EYS: variants seen among roughly 807,000 people sequenced by gnomAD.
EYS encodes protein eyes shut homolog.
Under a neutral mutation model 282.1 loss-of-function variants are expected in EYS, and 250 were observed. The observed-to-expected ratio is 0.89, with a 90% CI of 0.80 to 0.98. EYS has a LOEUF of 0.98. Among genes scored for constraint, EYS ranks in the 50% least tolerant of loss-of-function variants. EYS has a pLI of 0.00. For synonymous variants in EYS, 1,355 were observed against 1,282.9 expected (o/e 1.06, Z -1.20); for missense variants, 4,016 against 3,709.0 (o/e 1.08, Z -2.15).
At chr6:65,424,892 A>C (rs1767601692) in intron 5 of EYS, among the ~76,000 whole-genome samples, 1 of 151,954 alleles carries the variant, frequency 6.6e-6, no homozygotes, top group Admixed American at 6.6e-5. Flanking sequence ...ATTACTCTAT[A>C]TTTTCTGCCC....
intron 36 of EYS, among the ~76,000 whole-genome samples, chr6:63,822,894 T>C (rs1214390531): frequency 6.6e-6 from 1 of 152,224 alleles, no homozygotes; most frequent in Non-Finnish European, 1.5e-5. Flanking sequence ...CTAGGCTTTA[T>C]TAAATTTTAG....
At position 64,656,695 on chromosome 6, in the gene EYS, C is replaced by T. The variant is rs142289139; in HGVS notation, c.3444-30450G>A. ...GACTAAGAAAGCTAAGGTGTGTATA[C>T]CCAAACTTCCATCAGTAATTGTTGG... On this transcript the variant is annotated intron_variant, in intron 22 of 42. Coordinates refer to ENST00000503581, the MANE Select transcript of EYS (RefSeq NM_001142800.2). Among the ~76,000 whole-genome samples the T allele has an allele frequency of 4.8e-3, 728 of 152,258 alleles. 5 individuals are homozygous for T. Among genetic ancestry groups the T allele is most frequent in the African/African-American group, 0.016 (678 of 41,548 alleles).
chr6:64,470,800 AC>A lies in EYS; in HGVS notation c.5645-31449del, dbSNP rs1227168547. On this transcript the variant is annotated intron_variant, in intron 26 of 42. Transcript: ENST00000503581. ...GACAAAAACAAAGAAAAAAAGGAATACATAAGAATAAAAAAAGCCAACAGGA... is the reference window on the plus strand; with the variant it reads ...GACAAAAACAAAGAAAAAAAGGAATAATAAGAATAAAAAAAGCCAACAGGA... Among the ~76,000 whole-genome samples the A allele has an allele frequency of 3.3e-5, 5 of 152,182 alleles. No individual in the cohort carries two copies. In the East Asian group the frequency reaches 9.6e-4, roughly 29 times the overall value.
At chr6:64,606,441 T>C (rs1001548357) in intron 24 of EYS, among the ~76,000 whole-genome samples, 1 of 152,014 alleles carries the variant, frequency 6.6e-6, no homozygotes, top group Non-Finnish European at 1.5e-5. Flanking sequence ...TCAACACATA[T>C]TAGTTAATAT....
chr6:63,914,534 C>T (rs1203793438), intron 35 of EYS, among the ~76,000 whole-genome samples: 1 of 152,020 alleles, frequency 6.6e-6, no homozygotes, highest in Non-Finnish European at 1.5e-5. Flanking sequence ...CAGGGTGAAA[C>T]CCCATCTCTA....
At chr6:63,852,671 C>T (rs975302796) in intron 36 of EYS, among the ~76,000 whole-genome samples, 1 of 152,042 alleles carries the variant, frequency 6.6e-6, no homozygotes, top group African/African-American at 2.4e-5. Flanking sequence ...CTGGCAGAGA[C>T]ACAACAAAAA....
intron 30 of EYS, among the ~76,000 whole-genome samples, chr6:64,305,009 A>G (rs1301474603): frequency 6.6e-6 from 1 of 152,150 alleles, no homozygotes; most frequent in African/African-American, 2.4e-5. Context: ...GATGACATTG[A>G]TGATAACAAA....
chr6:64,887,404 C>A (rs1384726328), intron 18 of EYS, among the ~76,000 whole-genome samples: 1 of 151,652 alleles, frequency 6.6e-6, no homozygotes, highest in Non-Finnish European at 1.5e-5. Context: ...ACGTTGTGCA[C>A]ATGTACCCTG....
At chr6:65,470,430 TTAATA>T (rs1312846381) in intron 5 of EYS, among the ~76,000 whole-genome samples, 4 of 152,142 alleles carry the variant, frequency 2.6e-5, no homozygotes, top group Admixed American at 2.0e-4. Flanking sequence ...CAATTTTAAT[TTAATA>T]TATTAGATTG....
At chr6:65,176,721 T>C (rs998647217) in intron 12 of EYS, among the ~76,000 whole-genome samples, 9 of 151,688 alleles carry the variant, frequency 5.9e-5, no homozygotes, top group Non-Finnish European at 1.3e-4. Context: ...GATAGTAATG[T>C]CTATGCAAAG....
chr6:63,748,854 G>A (rs1769273520), intron 41 of EYS, among the ~76,000 whole-genome samples: 2 of 151,966 alleles, frequency 1.3e-5, no homozygotes, highest in South Asian at 4.1e-4. Context: ...ATTTCTAATT[G>A]TGTTTATTTG....
chr6:64,880,983 T>G (rs1034814811), intron 19 of EYS, among the ~76,000 whole-genome samples: 1 of 151,440 alleles, frequency 6.6e-6, no homozygotes, highest in African/African-American at 2.4e-5. Flanking sequence ...ACTTTGAGAG[T>G]TAAATCCTCC....
intron 35 of EYS, among the ~76,000 whole-genome samples, chr6:63,949,955 C>T (rs186980287): frequency 1.3e-5 from 2 of 152,158 alleles, no homozygotes; most frequent in Non-Finnish European, 2.9e-5. Context: ...AGGTGGATCA[C>T]GAGGTCAGGA....
intron 12 of EYS, among the ~76,000 whole-genome samples, chr6:65,275,194 A>C (rs1768013318): frequency 6.6e-6 from 1 of 152,164 alleles, no homozygotes; most frequent in African/African-American, 2.4e-5. Flanking sequence ...ATCATAGTAC[A>C]GGCCCTTAGG....
chr6:64,527,775 G>A (rs1278523760), intron 26 of EYS, among the ~76,000 whole-genome samples: 1 of 151,490 alleles, frequency 6.6e-6, no homozygotes, highest in Non-Finnish European at 1.5e-5. Context: ...GAAACCCAAA[G>A]TATATGTTTT....
chr6:64,459,469 C>T (rs1325375411), intron 26 of EYS, among the ~76,000 whole-genome samples: 1 of 152,150 alleles, frequency 6.6e-6, no homozygotes, highest in Non-Finnish European at 1.5e-5. Context: ...GGAGAATTAA[C>T]TCACACTATC....
intron 26 of EYS, among the ~76,000 whole-genome samples, chr6:64,502,075 G>C (rs1365233599): frequency 6.6e-6 from 1 of 152,156 alleles, no homozygotes; most frequent in Non-Finnish European, 1.5e-5. Context: ...ACTTATAGCA[G>C]TGCCATACAA....
At chr6:64,627,672 G>A (rs552052019) in intron 22 of EYS, among the ~76,000 whole-genome samples, 1 of 152,138 alleles carries the variant, frequency 6.6e-6, no homozygotes, top group African/African-American at 2.4e-5. Context: ...ACTGCAACTG[G>A]GTCTGCCCGG....
chr6:64,976,344 T>G (rs1241349143), intron 14 of EYS, among the ~76,000 whole-genome samples: 1 of 151,524 alleles, frequency 6.6e-6, no homozygotes, highest in South Asian at 2.1e-4. Context: ...TAATTCAGAG[T>G]GGTGTTTGGT....
Sources: gnomAD v4.1 joint callset for allele counts (sites outside exome capture counted in the v4.1 genomes callset) on GRCh38, gnomAD v4.1.1 for gene constraint, MANE v1.5 for transcripts, NCBI Gene and HGNC (gene_info 2026-07-23, HGNC 2026-07-21) for gene names.